The following CEMIP variants were observed in gnomAD, a reference collection of about 807,000 sequenced individuals.
The protein encoded by CEMIP is cell migration inducing hyaluronidase 1, also known as cell migration-inducing and hyaluronan-binding protein.
Under a neutral mutation model 156.9 loss-of-function variants are expected in CEMIP, and 105 were observed. The ratio of observed to expected loss-of-function variants is 0.67; its 90% CI spans 0.57 to 0.79. CEMIP has a LOEUF of 0.79. Ranked by LOEUF, CEMIP falls within the 30% of genes least tolerant of loss-of-function variation. The pLI is 0.00. For synonymous variants in CEMIP, 676 were observed against 668.4 expected (o/e 1.01, Z -0.17); for missense variants, 1,457 against 1,769.4 (o/e 0.82, Z 3.17).
intron 25 of CEMIP, among the ~76,000 whole-genome samples, chr15:80,938,928 TAAAG>T (rs1450994941): frequency 2.6e-5 from 4 of 152,192 alleles, no homozygotes; most frequent in Admixed American, 6.5e-5. Context: ...AAGTCAATGA[TAAAG>T]AAACTGATAA....
chr15:80,881,121 T>C lies in CEMIP; in HGVS notation c.602T>C (p.Val201Ala), dbSNP rs777209135. ...VHVIDPKSGT[V>A]IHSDRFDTYR... Reference sequence around the variant, plus strand: ...GTCATCGACCCCAAATCAGGCACAGTCATCCATTCTGACCGGTAAGGTTTG... The same window carrying C: ...GTCATCGACCCCAAATCAGGCACAGCCATCCATTCTGACCGGTAAGGTTTG... Residue 201 changes from valine (V) to alanine (A), a missense_variant, in exon 6 of 30, where the codon GTC becomes GCC. Physicochemically the swap from Val to Ala is moderately conservative, Grantham distance 64 (BLOSUM62 0). This residue lies in a region of CEMIP where 309 missense variants were observed against 340.8 expected (regional missense o/e 0.91). Coordinates refer to ENST00000394685, the MANE Select transcript of CEMIP (RefSeq NM_001293298.2). 19 of 1,613,924 alleles carry C rather than the reference T, an allele frequency of 1.2e-5. No individual in the cohort carries two copies. The highest frequency in any genetic ancestry group is 1.6e-5 in the Non-Finnish European group (19 of 1,179,898).
chr15:80,799,677 C>G (rs1896326337), intron 1 of CEMIP, among the ~76,000 whole-genome samples: 1 of 151,992 alleles, frequency 6.6e-6, no homozygotes, highest in Admixed American at 6.6e-5. Context: ...ATCTAAGTGT[C>G]CATCAATGGA....
At chr15:80,830,000 G>GTGTGTGTGTGTGTT (rs1246664267) in intron 1 of CEMIP, among the ~76,000 whole-genome samples, 1 of 144,784 alleles carries the variant, frequency 6.9e-6, no homozygotes, top group African/African-American at 2.7e-5. Flanking sequence ...GTGTGTGTGT[G>GTGTGTGTGTGTGTT]TGCGCGCATG....
intron 1 of CEMIP, among the ~76,000 whole-genome samples, chr15:80,846,342 C>G (rs1567067540): frequency 6.6e-6 from 1 of 152,192 alleles, no homozygotes; most frequent in Non-Finnish European, 1.5e-5. Flanking sequence ...TAATGCTTGT[C>G]TTGCAGGTCT....
intron 25 of CEMIP, among the ~76,000 whole-genome samples, chr15:80,939,276 C>T (rs1449475419): frequency 6.6e-6 from 1 of 152,208 alleles, no homozygotes; most frequent in Non-Finnish European, 1.5e-5. Context: ...AGTGCCCCTG[C>T]TCTACGGGCT....
intron 1 of CEMIP, among the ~76,000 whole-genome samples, chr15:80,814,880 GTC>G (rs1186902828): frequency 6.6e-6 from 1 of 152,070 alleles, no homozygotes; most frequent in Non-Finnish European, 1.5e-5. Context: ...AGAGATGGGA[GTC>G]TCACTTTCTT....
chr15:80,934,720 A>G (rs1240272263), intron 23 of CEMIP, among the ~76,000 whole-genome samples: 1 of 152,142 alleles, frequency 6.6e-6, no homozygotes, highest in African/African-American at 2.4e-5. Context: ...GAAAAGGGCC[A>G]TAAGGGGCAA....
chr15:80,945,572 C>T (rs528020359), intron 28 of CEMIP, among the ~76,000 whole-genome samples: 2 of 152,328 alleles, frequency 1.3e-5, no homozygotes, highest in East Asian at 3.9e-4. Flanking sequence ...CCTCAAGGGC[C>T]TGAGGCAGCC....
intron 1 of CEMIP, among the ~76,000 whole-genome samples, chr15:80,800,021 ATGTGTGTGTGTGTG>A (rs56412231): frequency 1.4e-4 from 17 of 124,902 alleles, no homozygotes; most frequent in East Asian, 5.1e-4. Flanking sequence ...AGCTAATTTT[ATGTGTGTGTGTGTG>A]TGTGTGTGTG....
At chr15:80,817,806 T>C (rs1896821754) in intron 1 of CEMIP, among the ~76,000 whole-genome samples, 1 of 151,996 alleles carries the variant, frequency 6.6e-6, no homozygotes, top group African/African-American at 2.4e-5. Flanking sequence ...TGGGTCAATT[T>C]TCAGACAATA....
chr15:80,911,244 A>G (rs1157610624), intron 14 of CEMIP, among the ~76,000 whole-genome samples: 5 of 152,222 alleles, frequency 3.3e-5, no homozygotes, highest in African/African-American at 1.2e-4. Context: ...GAACCAGTGC[A>G]ATGGATGCAG....
intron 1 of CEMIP, among the ~76,000 whole-genome samples, chr15:80,803,674 G>T (rs541567489): frequency 3.3e-5 from 5 of 152,266 alleles, no homozygotes; most frequent in African/African-American, 9.6e-5. Flanking sequence ...GAGAAAAAAA[G>T]GGTCTGAGAG....
At chr15:80,940,507 C>A (rs759628224) in intron 25 of CEMIP, among the ~76,000 whole-genome samples, 4 of 152,134 alleles carry the variant, frequency 2.6e-5, no homozygotes, top group Middle Eastern at 3.2e-3. Flanking sequence ...CTGCTCAAAG[C>A]GGGTGCTCAC....
rs1901703059 is a variant in CEMIP, at chr15:80,949,130, G to T, written c.*206G>T. 1.5e-6 allele frequency: 1 copy of T among 665,174 alleles called. No individual in the cohort carries two copies. The highest frequency in any genetic ancestry group is 2.3e-5 in the Admixed American group (1 of 43,534). The allele number at this position is 665,174 out of a possible 1,614,324, so 41.2% of individuals were successfully genotyped here. On this transcript the variant is annotated 3_prime_UTR_variant, in exon 30 of 30. Coordinates refer to ENST00000394685, the MANE Select transcript of CEMIP (RefSeq NM_001293298.2). ...TCAAGTGTCTACCTGGAGCCCCTGG[G>T]GCGGTGCTGGCCAATGCTGGAAACA...
At chr15:80,838,607 G>A (rs925535617) in intron 1 of CEMIP, among the ~76,000 whole-genome samples, 6 of 151,962 alleles carry the variant, frequency 3.9e-5, no homozygotes, top group African/African-American at 1.4e-4. Flanking sequence ...TGTTCTACGC[G>A]CCTCATCCAC....
intron 1 of CEMIP, among the ~76,000 whole-genome samples, chr15:80,789,494 T>C (rs1055793221): frequency 6.6e-6 from 1 of 152,206 alleles, no homozygotes. Flanking sequence ...CAGTTCCTGG[T>C]AGTGAGAGAG....
At chr15:80,817,768 A>G (rs1275111465) in intron 1 of CEMIP, among the ~76,000 whole-genome samples, 1 of 152,030 alleles carries the variant, frequency 6.6e-6, no homozygotes, top group Admixed American at 6.6e-5. Flanking sequence ...TTGTGGCTTT[A>G]TTCTTGGATG....
intron 19 of CEMIP, among the ~76,000 whole-genome samples, chr15:80,926,126 C>T (rs915146468): frequency 6.6e-6 from 1 of 152,180 alleles, no homozygotes; most frequent in Non-Finnish European, 1.5e-5. Flanking sequence ...TCTTTCTTAC[C>T]ATGTTTCTCA....
intron 1 of CEMIP, among the ~76,000 whole-genome samples, chr15:80,782,992 C>G (rs373167372): frequency 6.6e-6 from 1 of 152,164 alleles, no homozygotes; most frequent in Non-Finnish European, 1.5e-5. Context: ...GTGGTAGAAA[C>G]GAGCTCTTCA....
Sources: allele counts gnomAD v4.1 joint callset (sites outside exome capture counted in the v4.1 genomes callset), GRCh38; gene constraint gnomAD v4.1.1; regional missense constraint gnomAD v4.1.1; transcripts MANE v1.5; gene names NCBI Gene and HGNC (gene_info 2026-07-23, HGNC 2026-07-21).